ANKRD36C: variants seen among roughly 807,000 people sequenced by gnomAD.
ANKRD36C encodes ankyrin repeat domain-containing protein 36C.
Under a neutral mutation model 276.4 loss-of-function variants are expected in ANKRD36C, and 61 were observed. The ratio of observed to expected loss-of-function variants is 0.22; its 90% confidence interval spans 0.18 to 0.27. The LOEUF is 0.27. ANKRD36C is among the 10% of genes least tolerant of loss of function. ANKRD36C has a pLI of 1.00. For missense variants in ANKRD36C, 1,447 were observed against 2,032.3 expected, an observed-to-expected ratio of 0.71 and a Z score of 5.54; for synonymous variants, 483 against 680.1, an observed-to-expected ratio of 0.71 and a Z score of 4.51.
intron 44 of ANKRD36C, among the ~76,000 whole-genome samples, chr2:95,895,947 A>G (rs1435030104): frequency 2.0e-5 from 3 of 150,370 alleles, no homozygotes; most frequent in Non-Finnish European, 3.0e-5. Flanking sequence ...CAGGTGCTAC[A>G]TGATCCCACA....
rs570509993 is a variant in ANKRD36C, at chr2:95,866,972, G to A, written c.3682+468C>T. ...TATGCAGTGATGCAGTATAAAGCTC[G>A]AGGACTGAAATCCATACCTTATAGC... On this transcript the variant is annotated intron_variant, in intron 60 of 66. Coordinates refer to ENST00000456556, the Ensembl canonical transcript of ANKRD36C. Among the ~76,000 whole-genome samples the A allele has an allele frequency of 1.4e-4, 22 of 152,266 alleles. 1 individual carries two copies. In the South Asian group the frequency reaches 2.9e-3, roughly 20 times the overall value.
Position 95,880,630 on chromosome 2 carries a change from A to G in ANKRD36C, c.3368-7T>C. ...GGCAGATTCTCAGGATACTCTAACA[A>G]GCAAGAGAAATATATAATCAATCAT... On this transcript the variant is annotated splice_region_variant and splice_polypyrimidine_tract_variant and intron_variant, in intron 56 of 66. Transcript: ENST00000456556. 1 of 1,518,284 alleles carries G rather than the reference A, an allele frequency of 6.6e-7. No homozygotes were observed. Among genetic ancestry groups the G allele is most frequent in the Non-Finnish European group, 8.9e-7 (1 of 1,118,084 alleles). 94.1% of individuals were successfully genotyped at this position (1,518,284 alleles called of 1,614,324 possible).
chr2:95,869,704 T>C (rs1573728629), intron 59 of ANKRD36C, among the ~76,000 whole-genome samples: 1 of 151,734 alleles, frequency 6.6e-6, no homozygotes, highest in East Asian at 1.9e-4. Context: ...CAAAGGAGGG[T>C]GAGGCATTGC....
At chr2:95,931,933 C>CATTTG (rs1677584439) in intron 24 of ANKRD36C, among the ~76,000 whole-genome samples, 2 of 152,186 alleles carry the variant, frequency 1.3e-5, no homozygotes, top group Admixed American at 6.5e-5. Context: ...TCCTATTTGC[C>CATTTG]ATTTGACATC....
chr2:95,947,868 G>T (rs1377143435), intron 17 of ANKRD36C, among the ~76,000 whole-genome samples: 2 of 152,038 alleles, frequency 1.3e-5, no homozygotes, highest in African/African-American at 4.8e-5. Context: ...GCCAAGCTTG[G>T]TCTTAAACTC....
chr2:95,895,646 A>G (rs1676516265), intron 44 of ANKRD36C, 56 bp from the exon 61 acceptor site: 3 of 1,566,764 alleles, frequency 1.9e-6, no homozygotes, highest in Non-Finnish European at 2.6e-6. Context: ...AAAGTTATCC[A>G]TACATTCACA....
intron 3 of ANKRD36C, among the ~76,000 whole-genome samples, chr2:95,983,704 G>A (rs1175955793): frequency 7.9e-5 from 12 of 151,692 alleles, no homozygotes; most frequent in South Asian, 4.2e-4. Flanking sequence ...TCCGCCTCCC[G>A]GATTCAAGCA....
At chr2:95,920,381 G>T (rs796968106) in intron 34 of ANKRD36C, among the ~76,000 whole-genome samples, 3 of 132,206 alleles carry the variant, frequency 2.3e-5, no homozygotes, top group African/African-American at 7.9e-5. Flanking sequence ...AAGGCACACA[G>T]TTACCATGGC....
At chr2:95,989,269 T>C (rs1373135784) in intron 1 of ANKRD36C, among the ~76,000 whole-genome samples, 11 of 152,240 alleles carry the variant, frequency 7.2e-5, no homozygotes, top group African/African-American at 2.7e-4. Flanking sequence ...CCAAGGATAA[T>C]TTCATTAATA....
chr2:95,916,075 T>G, intron 37 of ANKRD36C, 23 bp from the exon 40 acceptor site: 1 of 1,598,000 alleles, frequency 6.3e-7, no homozygotes, highest in Non-Finnish European at 8.5e-7. Context: ...TGAAACAAAA[T>G]AATAAATAAG....
chr2:95,862,789 C>T (rs1377440580), intron 60 of ANKRD36C, among the ~76,000 whole-genome samples: 2 of 152,036 alleles, frequency 1.3e-5, no homozygotes, highest in Non-Finnish European at 2.9e-5. Flanking sequence ...GAGAGCAAAG[C>T]CCTAATGAAT....
intron 10 of ANKRD36C, among the ~76,000 whole-genome samples, chr2:95,960,223 T>A (rs2104503701): frequency 6.6e-6 from 1 of 152,220 alleles, no homozygotes; most frequent in African/African-American, 2.4e-5. Context: ...CAGCCTGTTG[T>A]ATCTTGAACT....
chr2:95,961,649 C>T (rs1377781439), intron 8 of ANKRD36C, among the ~76,000 whole-genome samples: 1 of 150,588 alleles, frequency 6.6e-6, no homozygotes, highest in East Asian at 1.9e-4. Context: ...ATTTGAATAG[C>T]TAATACCAAC....
chr2:95,966,850 T>C (rs1418515421), intron 6 of ANKRD36C, among the ~76,000 whole-genome samples: 2 of 152,200 alleles, frequency 1.3e-5, no homozygotes, highest in African/African-American at 4.8e-5. Context: ...AGTGGTGGTT[T>C]GTAGTTCTCC....
intron 13 of ANKRD36C, among the ~76,000 whole-genome samples, chr2:95,954,428 C>G (rs1678280350): frequency 1.3e-5 from 2 of 152,240 alleles, no homozygotes; most frequent in South Asian, 2.1e-4. Context: ...AGAAAAGGCA[C>G]GGTCTCTTCT....
In ANKRD36C at chr2:95,921,685, T is replaced by C; in HGVS notation, c.2173-6A>G. 1 of 1,602,294 alleles carries C rather than the reference T, an allele frequency of 6.2e-7. No homozygotes were observed. The highest frequency in any genetic ancestry group is 8.5e-7 in the Non-Finnish European group (1 of 1,175,298). On this transcript the variant is annotated splice_polypyrimidine_tract_variant and splice_region_variant and intron_variant, in intron 33 of 66. Transcript: ENST00000456556. ...TCTTCCTCGTCAGTTGTAGCCTGAATGGAATTTGAAAGAAAATAATAAATA... is the reference window on the plus strand; with the variant it reads ...TCTTCCTCGTCAGTTGTAGCCTGAACGGAATTTGAAAGAAAATAATAAATA...
chr2:95,893,086 T>A (rs1275368988), intron 44 of ANKRD36C, among the ~76,000 whole-genome samples: 1 of 151,340 alleles, frequency 6.6e-6, no homozygotes, highest in Non-Finnish European at 1.5e-5. Flanking sequence ...CAATCCGTCA[T>A]CCTTGGGAAA....
chr2:95,872,777 A>G (rs1675845878), intron 59 of ANKRD36C, among the ~76,000 whole-genome samples: 1 of 152,196 alleles, frequency 6.6e-6, no homozygotes, highest in Non-Finnish European at 1.5e-5. Flanking sequence ...TAGCAAGACT[A>G]AAAAAGAAGA....
chr2:95,887,969 G>T lies in ANKRD36C; in HGVS notation c.3017C>A (p.Ser1006Ter). The T allele has an allele frequency of 6.3e-7, 1 of 1,599,634 alleles. No individual in the cohort carries two copies. The highest frequency in any genetic ancestry group is 8.5e-7 in the Non-Finnish European group (1 of 1,172,960). ...ATCCTTTATTTCTGTGGGTATATTC[G>T]AAACAGAATCTTTCTTGTCACTTGT... is the stretch of plus-strand genomic sequence containing the variant. Residue 1006 changes from serine to a stop codon, truncating the protein, a stop_gained, in exon 50 of 67, where the codon TCG becomes TAG. Transcript: ENST00000456556. LOFTEE classifies it high-confidence loss of function.
Sources: allele counts gnomAD v4.1 joint callset (sites outside exome capture counted in the v4.1 genomes callset), GRCh38; gene constraint gnomAD v4.1.1; transcripts MANE v1.5; gene names NCBI Gene and HGNC (gene_info 2026-07-23, HGNC 2026-07-21).